Variants in CECR2 observed in about 807,000 individuals in gnomAD.
CECR2 encodes chromatin remodeling regulator CECR2.
A neutral mutation model predicts 154.5 loss-of-function variants in CECR2; 30 were observed. That is an observed-to-expected ratio of 0.19 (90% CI 0.15 to 0.26). The LOEUF (loss-of-function observed/expected upper bound fraction) is 0.26. CECR2 is among the 10% of genes least tolerant of loss of function. The pLI, the probability that CECR2 is intolerant of heterozygous loss-of-function variation, is 1.00. For synonymous variants in CECR2, 725 were observed against 683.7 expected (o/e 1.06, Z -0.94); for missense variants, 1,743 against 1,829.3 (o/e 0.95, Z 0.86).
chr22:17,432,936 AG>A (rs2054448730), intron 1 of CECR2, among the ~76,000 whole-genome samples: 2 of 152,346 alleles, frequency 1.3e-5, no homozygotes, highest in African/African-American at 4.8e-5. Flanking sequence ...TATTGATGAC[AG>A]TCAGATGCTT....
intron 1 of CECR2, among the ~76,000 whole-genome samples, chr22:17,476,462 A>T (rs1445159166): frequency 6.6e-6 from 1 of 151,978 alleles, no homozygotes; most frequent in Non-Finnish European, 1.5e-5. Flanking sequence ...GGGTATGACC[A>T]TGTTGGCTAG....
rs539130549 is a variant in CECR2 at position 17,396,549 on chromosome 22, AAAAC to A, written c.126+26649_126+26652del. 2.6e-4 allele frequency among the ~76,000 whole-genome samples: 39 copies of A among 150,772 alleles called. 1 individual carries two copies. The East Asian group carries it at 5.6e-3, about 22-fold the overall frequency. On this transcript the variant is annotated intron_variant, in intron 1 of 18. Transcript: ENST00000262608. ...CGACAGAGCGAGACTCTTGTCTCAA[AAAAC>A]AAACAAACTGTGCATCACTTTGTTA...
intron 9 of CECR2, 52 bp from the exon 10 acceptor site, chr22:17,537,051 A>G (rs963349019): frequency 1.9e-6 from 3 of 1,601,584 alleles, no homozygotes; most frequent in African/African-American, 1.3e-5. Context: ...GGAACACGCC[A>G]TGTCAGTGTC....
intron 7 of CECR2, among the ~76,000 whole-genome samples, chr22:17,507,327 A>G (rs1395191777): frequency 2.0e-5 from 3 of 152,236 alleles, no homozygotes; most frequent in Non-Finnish European, 2.9e-5. Flanking sequence ...ACTTAAGTTC[A>G]TGTACGATAA....
chr22:17,481,627 A>G (rs574765915), intron 2 of CECR2, among the ~76,000 whole-genome samples: 2 of 152,318 alleles, frequency 1.3e-5, no homozygotes, highest in Admixed American at 1.3e-4. Context: ...CAATACAGGC[A>G]TGCATCACAT....
intron 8 of CECR2, among the ~76,000 whole-genome samples, chr22:17,512,720 A>G (rs1031223099): frequency 6.7e-6 from 1 of 150,126 alleles, no homozygotes. Context: ...AAAAAAAAAA[A>G]AAAAGAAAGA....
intron 1 of CECR2, among the ~76,000 whole-genome samples, chr22:17,433,019 T>C (rs1029954785): frequency 4.6e-5 from 7 of 152,222 alleles, no homozygotes; most frequent in Non-Finnish European, 1.0e-4. Flanking sequence ...TGCACTCTTA[T>C]CACCGAGCTA....
chr22:17,495,470 G>C (rs2055606136), intron 2 of CECR2, among the ~76,000 whole-genome samples: 2 of 151,656 alleles, frequency 1.3e-5, no homozygotes, highest in Admixed American at 1.3e-4. Context: ...TCAGGAGACT[G>C]AGGCAGGAGA....
intron 8 of CECR2, among the ~76,000 whole-genome samples, chr22:17,519,794 C>CTTT (rs695788): frequency 7.2e-6 from 1 of 138,008 alleles, no homozygotes; most frequent in Non-Finnish European, 1.6e-5. Flanking sequence ...ATTATCAAGT[C>CTTT]TTTTTTTTTT....
At chr22:17,501,375 G>A (rs991917458) in intron 5 of CECR2, among the ~76,000 whole-genome samples, 2 of 152,042 alleles carry the variant, frequency 1.3e-5, no homozygotes, top group African/African-American at 2.4e-5. Context: ...TGGCTAACAC[G>A]GTGAAACCCC....
chr22:17,517,269 A>C (rs1322135138), intron 8 of CECR2, among the ~76,000 whole-genome samples: 1 of 152,228 alleles, frequency 6.6e-6, no homozygotes, highest in Admixed American at 6.5e-5. Context: ...CGCTGTGCTA[A>C]GACGTGCTTC....
At chr22:17,481,063 G>T (rs1361675265) in intron 2 of CECR2, among the ~76,000 whole-genome samples, 1 of 104,730 alleles carries the variant, frequency 9.5e-6, no homozygotes, top group East Asian at 2.0e-4. Flanking sequence ...AAAAAAAAAG[G>T]CCGGGCACGG....
chr22:17,554,522 C>T lies in CECR2; in HGVS notation c.*1682C>T, dbSNP rs974802408. On this transcript the variant is annotated 3_prime_UTR_variant, in exon 19 of 19. Transcript: ENST00000262608. The stretch of plus-strand genomic sequence containing the variant: ...CATCCATGATACAGAGAAATGAAAG[C>T]CAAGACACCAGTTCCAGGATGATGG... 6.6e-6 allele frequency: 1 copy of T among 152,124 alleles called. No individual in the cohort carries two copies. The highest frequency in any genetic ancestry group is 2.4e-5 in the African/African-American group (1 of 41,420). The allele number at this position is 152,124 out of a possible 1,614,324, so 9.4% of individuals were successfully genotyped here.
At position 17,499,396 on chromosome 22, in the gene CECR2, C is replaced by T. The variant is rs749039356; in HGVS notation, c.406-14C>T. On this transcript the variant is annotated splice_polypyrimidine_tract_variant and intron_variant, in intron 3 of 18. Coordinates refer to ENST00000262608, the MANE Select transcript of CECR2 (RefSeq NM_001290047.2). Reference sequence around the variant, plus strand: ...TCCCCATTTCCCCAAACCCCTTTTCCGTGCTCTGTGTAGGGCCTGGATGCA... The same window carrying T: ...TCCCCATTTCCCCAAACCCCTTTTCTGTGCTCTGTGTAGGGCCTGGATGCA... 1.2e-5 allele frequency: 20 copies of T among 1,602,062 alleles called. No individual in the cohort carries two copies. The highest frequency in any genetic ancestry group is 1.5e-5 in the Non-Finnish European group (18 of 1,176,634).
intron 1 of CECR2, among the ~76,000 whole-genome samples, chr22:17,457,280 G>A (rs1398061160): frequency 6.6e-6 from 1 of 152,212 alleles, no homozygotes; most frequent in African/African-American, 2.4e-5. Context: ...ACCCGCCTCG[G>A]CCTCCCAAAG....
chr22:17,500,918 G>C (rs2055726218), intron 5 of CECR2, among the ~76,000 whole-genome samples, 183 bp downstream of exon 5: 1 of 152,138 alleles, frequency 6.6e-6, no homozygotes, highest in Non-Finnish European at 1.5e-5. Context: ...GTGACATCTG[G>C]CAAGTCACCT....
rs1464016814 is a variant in CECR2, at chr22:17,555,922, T to A, written c.*3082T>A. On this transcript the variant is annotated 3_prime_UTR_variant, in exon 19 of 19. Transcript: ENST00000262608. The stretch of plus-strand genomic sequence containing the variant: ...TAGAGTTGTTAATAAGTTAGAAACT[T>A]GTGTCCCTAAGGCCCAAGAGAAAAG... 6.6e-6 allele frequency: 1 copy of A among 152,150 alleles called. No homozygotes were observed. The highest frequency in any genetic ancestry group is 2.4e-5 in the African/African-American group (1 of 41,430). The allele number at this position is 152,150 out of a possible 1,614,324, so 9.4% of individuals were successfully genotyped here.
chr22:17,373,484 A>G (rs1024340220), intron 1 of CECR2, among the ~76,000 whole-genome samples: 1 of 152,228 alleles, frequency 6.6e-6, no homozygotes, highest in African/African-American at 2.4e-5. Flanking sequence ...GATAAAAGTT[A>G]ACTGTTAACA....
intron 1 of CECR2, among the ~76,000 whole-genome samples, chr22:17,380,275 A>G (rs1261330683): frequency 6.6e-6 from 1 of 152,124 alleles, no homozygotes; most frequent in Admixed American, 6.6e-5. Context: ...TAATTCTCTC[A>G]TGTGTTCTTT....
Sources: gnomAD v4.1 joint callset for allele counts (sites outside exome capture counted in the v4.1 genomes callset) on GRCh38, gnomAD v4.1.1 for gene constraint, MANE v1.5 for transcripts, NCBI Gene and HGNC (gene_info 2026-07-23, HGNC 2026-07-21) for gene names.